VPS13C: variants seen among roughly 807,000 people sequenced by gnomAD.
VPS13C encodes vacuolar protein sorting 13 homolog C, also known as intermembrane lipid transfer protein VPS13C.
Under a neutral mutation model 456.8 loss-of-function variants are expected in VPS13C, and 358 were observed. The observed-to-expected ratio is 0.78, with a 90% CI of 0.72 to 0.86. VPS13C has a LOEUF of 0.86. VPS13C is among the 40% of genes least tolerant of loss of function. The pLI, the probability that VPS13C is intolerant of heterozygous loss-of-function variation, is 0.00. For synonymous variants in VPS13C, 1,578 were observed against 1,486.7 expected, an observed-to-expected ratio of 1.06 and a Z score of -1.41; for missense variants, 4,818 against 4,385.4, an observed-to-expected ratio of 1.10 and a Z score of -2.79.
intron 82 of VPS13C, among the ~76,000 whole-genome samples, chr15:61,862,481 A>G (rs1894279379): frequency 1.3e-5 from 2 of 152,244 alleles, no homozygotes; most frequent in Non-Finnish European, 2.9e-5. Flanking sequence ...TGAATTATAT[A>G]AAAGTGATAC....
At position 61,949,489 on chromosome 15, in the gene VPS13C, C is replaced by T; in HGVS notation, c.4713G>A (p.Glu1571=). ...TGGACTCCCCCACAAGTGGTTTCAG[C>T]TCGGATTCCTTCTCAGAAGAGGAAG... is the stretch of plus-strand genomic sequence containing the variant. The part of the protein sequence containing the change: ...SEPSSSEKES[E]LKPLVGESRS... Residue 1571 remains glutamate, a synonymous_variant, in exon 42 of 85, where the codon GAG becomes GAA. Coordinates refer to ENST00000644861, the MANE Select transcript of VPS13C (RefSeq NM_020821.3). 6.2e-7 allele frequency: 1 copy of T among 1,613,576 alleles called. No individual in the cohort carries two copies. Among genetic ancestry groups the T allele is most frequent in the Non-Finnish European group, 8.5e-7 (1 of 1,179,874 alleles).
intron 16 of VPS13C, among the ~76,000 whole-genome samples, chr15:61,996,192 C>G: frequency 6.6e-6 from 1 of 152,146 alleles, no homozygotes; most frequent in East Asian, 1.9e-4. Flanking sequence ...TAGCAAAGGT[C>G]TTAGCCACAT....
At chr15:61,990,613 C>G (rs2046195231) in intron 18 of VPS13C, among the ~76,000 whole-genome samples, 1 of 152,032 alleles carries the variant, frequency 6.6e-6, no homozygotes, top group African/African-American at 2.4e-5. Flanking sequence ...GAATTTGAAA[C>G]CAGCCTGGTC....
intron 66 of VPS13C, among the ~76,000 whole-genome samples, chr15:61,893,144 C>A (rs978259801): frequency 6.6e-6 from 1 of 152,080 alleles, no homozygotes; most frequent in Non-Finnish European, 1.5e-5. Context: ...GATGACCAAA[C>A]GGATTCAATC....
At chr15:61,871,701 G>A (rs553695185) in intron 79 of VPS13C, among the ~76,000 whole-genome samples, 1 of 152,158 alleles carries the variant, frequency 6.6e-6, no homozygotes, top group East Asian at 1.9e-4. Context: ...TTTTTAATGG[G>A]ATAAAAACAA....
In VPS13C at chr15:61,974,410, C is replaced by T. The variant is rs2045644957; in HGVS notation, c.2416G>A (p.Val806Met). 6.2e-7 allele frequency: 1 copy of T among 1,611,576 alleles called. No individual in the cohort carries two copies. Among genetic ancestry groups the T allele is most frequent in the Admixed American group, 1.7e-5 (1 of 59,908 alleles). Residue 806 changes from valine (V) to methionine (M), a missense_variant, in exon 25 of 85, where the codon GTG becomes ATG. Physicochemically the swap from Val to Met is conservative, Grantham distance 21 (BLOSUM62 1). Around this residue, in one of 3 missense-constraint regions of VPS13C, gnomAD observed 4,552 missense variants for 4,130.6 expected, o/e 1.10. Coordinates refer to ENST00000644861, the MANE Select transcript of VPS13C (RefSeq NM_020821.3). The stretch of plus-strand genomic sequence containing the variant: ...TGCATCAAAGGAAGTCCTCCTGACA[C>T]TTTAAATCTAAAAATACAATTCAGT... ...EKDIRMARFK[V>M]SGGLPLMHVR... is the part of the protein sequence containing the mutation.
intron 73 of VPS13C, 111 bp downstream of exon 73, chr15:61,880,498 A>C: frequency 1.5e-6 from 1 of 657,584 alleles, no homozygotes; most frequent in Non-Finnish European, 2.5e-6. Context: ...ATCAAACAAA[A>C]TTCCCACCAA....
chr15:61,998,405 T>C (rs2140448180), intron 16 of VPS13C, among the ~76,000 whole-genome samples: 1 of 152,330 alleles, frequency 6.6e-6, no homozygotes, highest in South Asian at 2.1e-4. Context: ...GTTTTGTTCA[T>C]TTATGTAGGC....
chr15:61,990,020 G>T (rs190208550), intron 18 of VPS13C, among the ~76,000 whole-genome samples: 4 of 152,152 alleles, frequency 2.6e-5, no homozygotes, highest in Admixed American at 2.6e-4. Context: ...AAATAAATAA[G>T]ATGTGGTATT....
chr15:61,911,565 T>C (rs79159785), intron 63 of VPS13C, among the ~76,000 whole-genome samples: 1,788 of 152,280 alleles, frequency 0.012, 44 homozygotes, highest in African/African-American at 0.041. Context: ...ACACAGTACA[T>C]AATCTCTATG....
chr15:61,925,022 TATAA>T (rs1377364239), intron 53 of VPS13C, among the ~76,000 whole-genome samples: 1 of 152,208 alleles, frequency 6.6e-6, no homozygotes, highest in African/African-American at 2.4e-5. Flanking sequence ...CATCTGTCAT[TATAA>T]ATATTTGAAG....
intron 1 of VPS13C, among the ~76,000 whole-genome samples, chr15:62,049,207 G>C (rs945955940): frequency 3.2e-4 from 49 of 152,244 alleles, no homozygotes; most frequent in African/African-American, 1.1e-3. Context: ...GTATTGCCTA[G>C]GTTTTCTTCT....
At chr15:62,021,172 T>C (rs1190320855) in intron 8 of VPS13C, among the ~76,000 whole-genome samples, 1 of 151,808 alleles carries the variant, frequency 6.6e-6, no homozygotes, top group East Asian at 1.9e-4. Flanking sequence ...GTGTAAATGA[T>C]AGGAAATTTA....
chr15:62,058,537 T>C (rs1479317013), intron 1 of VPS13C, among the ~76,000 whole-genome samples: 1 of 152,222 alleles, frequency 6.6e-6, no homozygotes, highest in Admixed American at 6.5e-5. Context: ...ACATAGCACT[T>C]ACTTATTGGG....
At position 61,984,945 on chromosome 15, in the gene VPS13C, C is replaced by G. The variant is rs753643679; in HGVS notation, c.1633G>C (p.Glu545Gln). Residue 545 changes from glutamate (E) to glutamine (Q), a missense_variant, in exon 19 of 85, where the codon GAA (glutamate) becomes CAA (glutamine). Physicochemically the swap from Glu to Gln is conservative, Grantham distance 29. Coordinates refer to ENST00000644861, the MANE Select transcript of VPS13C (RefSeq NM_020821.3). ...KLVSTSVTIR[E>Q]NKNIPEILKI... Reference sequence around the variant, plus strand: ...AGTATTTCTGGAATATTCTTGTTTTCTCTTATCGTAACAGAGGTGCTTACT... The same window carrying G: ...AGTATTTCTGGAATATTCTTGTTTTGTCTTATCGTAACAGAGGTGCTTACT... The G allele has an allele frequency of 2.1e-5, 34 of 1,611,124 alleles. No individual in the cohort carries two copies. Among genetic ancestry groups the G allele is most frequent in the Non-Finnish European group, 5.1e-6 (6 of 1,179,066 alleles).
intron 9 of VPS13C, among the ~76,000 whole-genome samples, chr15:62,019,533 C>A (rs1051607677): frequency 5.9e-5 from 9 of 152,114 alleles, no homozygotes. Flanking sequence ...TTTCTGCCTT[C>A]ATTTCGTTAT....
intron 66 of VPS13C, among the ~76,000 whole-genome samples, chr15:61,898,581 A>G (rs2042903147): frequency 1.3e-5 from 2 of 151,956 alleles, no homozygotes; most frequent in African/African-American, 4.8e-5. Flanking sequence ...CACCCAACAC[A>G]GGAGCACCCA....
At chr15:62,033,576 A>T in intron 4 of VPS13C, 34 bp from the exon 5 acceptor site, 1 of 1,430,144 alleles carries the variant, frequency 7.0e-7, no homozygotes. Context: ...ACAAAAATAA[A>T]TGGAATTAAT....
chr15:61,954,641 C>A, intron 37 of VPS13C, 87 bp from the exon 38 acceptor site: 1 of 1,333,814 alleles, frequency 7.5e-7, no homozygotes, highest in Non-Finnish European at 1.0e-6. Context: ...TATTCTGGAC[C>A]TGGTAGAGGC....
Sources: gnomAD v4.1 joint callset for allele counts (sites outside exome capture counted in the v4.1 genomes callset) on GRCh38, gnomAD v4.1.1 for gene constraint, gnomAD v4.1.1 regional missense constraint, MANE v1.5 for transcripts, NCBI Gene and HGNC (gene_info 2026-07-23, HGNC 2026-07-21) for gene names.